The following PTPN14 variants were observed in gnomAD, a reference collection of about 807,000 sequenced individuals.
PTPN14 encodes the protein protein tyrosine phosphatase non-receptor type 14.
Under a neutral mutation model 126.8 loss-of-function variants are expected in PTPN14, and 53 were observed. That is an observed-to-expected ratio of 0.42 (90% CI 0.34 to 0.53). PTPN14 has a LOEUF of 0.53. Among genes scored for constraint, PTPN14 ranks in the 20% least tolerant of loss-of-function variants. The probability of loss-of-function intolerance (pLI) is 0.08; values close to 1 mark genes in which losing one functional copy is unlikely to be tolerated. For missense variants in PTPN14, 1,257 were observed against 1,552.9 expected (o/e 0.81, Z 3.20); for synonymous variants, 630 against 599.3 (o/e 1.05, Z -0.75).
chr1:214,509,301 C>T (rs565800925), intron 1 of PTPN14, among the ~76,000 whole-genome samples: 1 of 152,350 alleles, frequency 6.6e-6, no homozygotes, highest in Admixed American at 6.5e-5. Context: ...TCTACATCAG[C>T]ACTTGCTGCT....
At chr1:214,535,940 T>C (rs372854267) in intron 1 of PTPN14, among the ~76,000 whole-genome samples, 143 of 152,180 alleles carry the variant, frequency 9.4e-4, no homozygotes, top group African/African-American at 3.2e-3. Context: ...ATCTGTATGA[T>C]TCAAGAATCA....
chr1:214,515,630 T>C (rs780253707), intron 1 of PTPN14, among the ~76,000 whole-genome samples: 2 of 152,350 alleles, frequency 1.3e-5, no homozygotes, highest in African/African-American at 2.4e-5. Context: ...CTGATATTTC[T>C]GTCATTGACG....
chr1:214,464,260 G>A (rs541188661), intron 2 of PTPN14, among the ~76,000 whole-genome samples: 8 of 148,040 alleles, frequency 5.4e-5, no homozygotes, highest in Admixed American at 1.3e-4. Context: ...GTATGTGGGC[G>A]TTTTTTCTCC....
intron 1 of PTPN14, chr1:214,532,777 G>C (rs1445827232): frequency 3.6e-6 from 3 of 837,584 alleles, no homozygotes; most frequent in African/African-American, 1.7e-5. Flanking sequence ...GCCACAGCTG[G>C]AGACAGAGAT....
intron 1 of PTPN14, among the ~76,000 whole-genome samples, chr1:214,511,572 G>A (rs533157325): frequency 7.9e-5 from 12 of 152,204 alleles, no homozygotes; most frequent in Non-Finnish European, 1.5e-4. Context: ...CTGTTGGTGG[G>A]AATACAGAAT....
At chr1:214,366,855 C>T (rs372066283) in intron 17 of PTPN14, among the ~76,000 whole-genome samples, 7 of 151,744 alleles carry the variant, frequency 4.6e-5, no homozygotes, top group Admixed American at 6.6e-5. Context: ...TGGTGGTGGG[C>T]GCCTGTAGTC....
Position 214,394,995 on chromosome 1 carries a change from A to G in PTPN14, c.759-9T>C, listed in dbSNP as rs1484770426. 3 of 1,600,172 alleles carry G rather than the reference A, an allele frequency of 1.9e-6. No individual in the cohort carries two copies. Among genetic ancestry groups the G allele is most frequent in the Non-Finnish European group, 2.6e-6 (3 of 1,167,678 alleles). ...TCCCCATGTCATTCCACCTGGTTAG[A>G]AGAAATGTCACTGTGTTTACTCAAC... On this transcript the variant is annotated splice_polypyrimidine_tract_variant and intron_variant, in intron 8 of 18. Transcript: ENST00000366956.
chr1:214,393,197 C>G (rs1658797864), intron 10 of PTPN14, among the ~76,000 whole-genome samples: 1 of 152,160 alleles, frequency 6.6e-6, no homozygotes, highest in Non-Finnish European at 1.5e-5. Flanking sequence ...CCACATCTTC[C>G]TCTAATTACC....
chr1:214,393,501 T>C (rs538742687), intron 10 of PTPN14, among the ~76,000 whole-genome samples, 194 bp downstream of exon 10: 1 of 152,326 alleles, frequency 6.6e-6, no homozygotes, highest in East Asian at 1.9e-4. Flanking sequence ...ATTCTCTCTC[T>C]AGGCATATGC....
intron 3 of PTPN14, among the ~76,000 whole-genome samples, chr1:214,449,846 T>TA (rs5780781): frequency 0.36 from 52,820 of 146,584 alleles, 10,696 homozygotes; most frequent in Non-Finnish European, 0.46. Flanking sequence ...AAAATAAAAA[T>TA]AAAAAAAAAA....
intron 1 of PTPN14, among the ~76,000 whole-genome samples, chr1:214,540,832 G>A (rs1180942725): frequency 6.6e-6 from 1 of 152,172 alleles, no homozygotes; most frequent in African/African-American, 2.4e-5. Flanking sequence ...GGAAATCCAT[G>A]TGTAAATCCA....
intron 1 of PTPN14, among the ~76,000 whole-genome samples, chr1:214,547,902 A>T (rs1656011189): frequency 1.3e-5 from 2 of 148,860 alleles, no homozygotes; most frequent in Admixed American, 1.3e-4. Flanking sequence ...ATTTTGAGCC[A>T]ATAGACTGAA....
intron 1 of PTPN14, among the ~76,000 whole-genome samples, chr1:214,545,344 T>A (rs557354830): frequency 9.8e-4 from 149 of 151,822 alleles, no homozygotes; most frequent in African/African-American, 3.5e-3. Flanking sequence ...CATCCTATGG[T>A]GCAAAGGTGG....
At chr1:214,451,467 C>A (rs534027571) in intron 3 of PTPN14, among the ~76,000 whole-genome samples, 1 of 152,240 alleles carries the variant, frequency 6.6e-6, no homozygotes, top group Admixed American at 6.5e-5. Flanking sequence ...CACGCCTGGC[C>A]AGGTCATTAA....
intron 2 of PTPN14, among the ~76,000 whole-genome samples, chr1:214,454,771 TC>T (rs1456907753): frequency 6.6e-6 from 1 of 152,184 alleles, no homozygotes; most frequent in Non-Finnish European, 1.5e-5. Context: ...ACAGAATATT[TC>T]AGGGTGACTC....
At chr1:214,456,084 G>A (rs949669314) in intron 2 of PTPN14, among the ~76,000 whole-genome samples, 1 of 150,982 alleles carries the variant, frequency 6.6e-6, no homozygotes, top group Non-Finnish European at 1.5e-5. Flanking sequence ...TTTTTTGAGG[G>A]TTTTGTTTTT....
At chr1:214,382,664 CT>C (rs1301463238) in intron 13 of PTPN14, among the ~76,000 whole-genome samples, 2 of 152,250 alleles carry the variant, frequency 1.3e-5, no homozygotes, top group South Asian at 2.1e-4. Flanking sequence ...CTATTCATGT[CT>C]AGTACTAGGA....
At chr1:214,464,414 C>A (rs563616048) in intron 2 of PTPN14, among the ~76,000 whole-genome samples, 1 of 152,180 alleles carries the variant, frequency 6.6e-6, no homozygotes. Flanking sequence ...CCTGCCACGC[C>A]ATGCAGCTCT....
chr1:214,379,606 T>C (rs1658426362), intron 13 of PTPN14, among the ~76,000 whole-genome samples: 1 of 152,214 alleles, frequency 6.6e-6, no homozygotes, highest in Non-Finnish European at 1.5e-5. Flanking sequence ...TGGGCACTGC[T>C]TGGGCAAACC....
Sources: allele counts gnomAD v4.1 joint callset (sites outside exome capture counted in the v4.1 genomes callset), GRCh38; gene constraint gnomAD v4.1.1; transcripts MANE v1.5; gene names NCBI Gene and HGNC (gene_info 2026-07-23, HGNC 2026-07-21).